ITGA8: variants seen among roughly 807,000 people sequenced by gnomAD.
ITGA8 encodes integrin subunit alpha 8.
Under a neutral mutation model 142.3 loss-of-function variants are expected in ITGA8, and 91 were observed. The ratio of observed to expected loss-of-function variants is 0.64; its 90% CI spans 0.54 to 0.76. The LOEUF is 0.76. Among genes scored for constraint, ITGA8 ranks in the 30% least tolerant of loss-of-function variants. ITGA8 has a pLI of 0.00. For missense variants in ITGA8, 1,406 were observed against 1,327.7 expected, an observed-to-expected ratio of 1.06 and a Z score of -0.92; for synonymous variants, 505 against 485.2, an observed-to-expected ratio of 1.04 and a Z score of -0.54.
chr10:15,637,431 A>G lies in ITGA8; in HGVS notation c.1399+6599T>C, dbSNP rs180915637. Among the ~76,000 whole-genome samples, 359 of 152,218 alleles carry G rather than the reference A, an allele frequency of 2.4e-3. 2 individuals carry two copies. The highest frequency in any genetic ancestry group is 8.2e-3 in the African/African-American group (342 of 41,530). On this transcript the variant is annotated intron_variant, in intron 13 of 29. Transcript: ENST00000378076. ...AAGTAAATCACTGTTCAATTGTTAC[A>G]TTAATAGTATTCAATGGGAATCTGA...
rs556364835 is a variant in ITGA8 at position 15,644,231 on chromosome 10, G to T, written c.1208-10C>A. On this transcript the variant is annotated splice_polypyrimidine_tract_variant and intron_variant, in intron 12 of 29. Transcript: ENST00000378076. ...ACTCCGATGGCAATGTCTAAAAACA[G>T]ACATAAAACATGTTTTATGTGTATA... The T allele has an allele frequency of 7.1e-5, 114 of 1,610,400 alleles. No homozygotes were observed. Among genetic ancestry groups the T allele is most frequent in the Non-Finnish European group, 9.0e-5 (106 of 1,177,690 alleles).
At chr10:15,709,146 A>G (rs1004481609) in intron 2 of ITGA8, among the ~76,000 whole-genome samples, 3 of 152,238 alleles carry the variant, frequency 2.0e-5, no homozygotes, top group African/African-American at 4.8e-5. Context: ...GTGTCATAGA[A>G]AGGGAGCAGA....
intron 8 of ITGA8, among the ~76,000 whole-genome samples, chr10:15,667,939 C>G (rs1307849871): frequency 3.9e-5 from 6 of 152,072 alleles, no homozygotes; most frequent in Non-Finnish European, 4.4e-5. Flanking sequence ...TTACTTCCAA[C>G]TATGTGGTCA....
At chr10:15,691,823 T>C (rs1834939640) in intron 2 of ITGA8, among the ~76,000 whole-genome samples, 1 of 152,212 alleles carries the variant, frequency 6.6e-6, no homozygotes, top group African/African-American at 2.4e-5. Context: ...ATTCTTAATA[T>C]ACACACACAT....
At chr10:15,592,360 T>A in intron 21 of ITGA8, 56 bp from the exon 22 acceptor site, 1 of 1,321,758 alleles carries the variant, frequency 7.6e-7, no homozygotes. Flanking sequence ...TAAAAATATT[T>A]TGTAAGTCAT....
Position 15,684,110 on chromosome 10 carries a change from A to G in ITGA8, c.462T>C (p.Tyr154=), listed in dbSNP as rs1834792970. 1.2e-6 allele frequency: 2 copies of G among 1,614,068 alleles called. No homozygotes were observed. Among genetic ancestry groups the G allele is most frequent in the Non-Finnish European group, 1.7e-6 (2 of 1,179,970 alleles). The change falls in exon 4 of 30, where the codon TAT becomes TAC. Residue 154 remains tyrosine, a synonymous_variant. Coordinates refer to ENST00000378076, the MANE Select transcript of ITGA8 (RefSeq NM_003638.3). ...KGKVVACAPL[Y]HWRTLKPTPE... ...GTGTCGGTTTAAGAGTTCTCCAGTG[A>G]TATAAAGGAGCACAGGCCTAGGAAA...
intron 23 of ITGA8, among the ~76,000 whole-genome samples, chr10:15,583,218 A>G (rs2131589509): frequency 6.6e-6 from 1 of 152,348 alleles, no homozygotes; most frequent in East Asian, 1.9e-4. Context: ...TTGCAGGGAC[A>G]TGGATGAAAC....
At chr10:15,654,556 T>C (rs575067531) in intron 11 of ITGA8, among the ~76,000 whole-genome samples, 171 of 152,296 alleles carry the variant, frequency 1.1e-3, no homozygotes, top group South Asian at 3.1e-3. Flanking sequence ...ACATAAAATA[T>C]CTAGCAAAAG....
In ITGA8 at chr10:15,652,810, GC is replaced by G. The variant is rs543624855; in HGVS notation, c.1001+2543del. On this transcript the variant is annotated intron_variant, in intron 11 of 29. Transcript: ENST00000378076. The stretch of plus-strand genomic sequence containing the variant: ...ATTGCTCATACAGAGTCATTCCACT[GC>G]CCTCCAAGCCACTGTCCTGCCTCCC... Among the ~76,000 whole-genome samples, 1,352 of 152,236 alleles carry G rather than the reference GC, an allele frequency of 8.9e-3. 8 individuals are homozygous for G. Among genetic ancestry groups the G allele is most frequent in the Non-Finnish European group, 0.013 (913 of 68,006 alleles).
intron 2 of ITGA8, among the ~76,000 whole-genome samples, chr10:15,703,664 C>G (rs1408168529): frequency 6.6e-6 from 1 of 152,136 alleles, no homozygotes; most frequent in African/African-American, 2.4e-5. Context: ...ACTGAGACAA[C>G]GTTGACCTCA....
intron 3 of ITGA8, among the ~76,000 whole-genome samples, chr10:15,686,673 T>C (rs1834837803): frequency 6.6e-6 from 1 of 152,216 alleles, no homozygotes; most frequent in Admixed American, 6.5e-5. Flanking sequence ...TTATACCATA[T>C]AGGAAAGAAT....
intron 9 of ITGA8, among the ~76,000 whole-genome samples, chr10:15,659,380 C>A (rs1480421956): frequency 6.6e-6 from 1 of 152,112 alleles, no homozygotes; most frequent in Non-Finnish European, 1.5e-5. Context: ...TGTCCAAATC[C>A]ATTTCTGTTC....
At chr10:15,598,749 A>G (rs1833050216) in intron 20 of ITGA8, among the ~76,000 whole-genome samples, 1 of 152,248 alleles carries the variant, frequency 6.6e-6, no homozygotes, top group Non-Finnish European at 1.5e-5. Flanking sequence ...ACATGGAAAT[A>G]TCTGTCCTAG....
intron 13 of ITGA8, among the ~76,000 whole-genome samples, chr10:15,637,060 C>T (rs1000808806): frequency 2.0e-5 from 3 of 152,122 alleles, no homozygotes; most frequent in Non-Finnish European, 2.9e-5. Flanking sequence ...CAGGAGAATC[C>T]CTTGAACCTG....
chr10:15,605,252 C>A (rs184028461), intron 19 of ITGA8, among the ~76,000 whole-genome samples: 49 of 152,236 alleles, frequency 3.2e-4, no homozygotes, highest in African/African-American at 1.1e-3. Flanking sequence ...TTTTGTGACA[C>A]CTTCTGCTTT....
chr10:15,538,263 A>T (rs1474429857), intron 27 of ITGA8, among the ~76,000 whole-genome samples: 1 of 152,206 alleles, frequency 6.6e-6, no homozygotes, highest in Non-Finnish European at 1.5e-5. Context: ...CTGTAATCCT[A>T]ACACTTTGGG....
chr10:15,583,528 T>C (rs542364412), intron 23 of ITGA8, among the ~76,000 whole-genome samples: 14 of 152,114 alleles, frequency 9.2e-5, no homozygotes, highest in African/African-American at 3.1e-4. Flanking sequence ...AAAAAGTATA[T>C]ATATAAAAAG....
chr10:15,699,059 A>T (rs1835110175), intron 2 of ITGA8, among the ~76,000 whole-genome samples: 1 of 152,184 alleles, frequency 6.6e-6, no homozygotes, highest in African/African-American at 2.4e-5. Context: ...TCCAGGAGGC[A>T]GATCACCTGA....
intron 19 of ITGA8, among the ~76,000 whole-genome samples, 168 bp downstream of exon 19, chr10:15,605,556 A>C (rs1833179435): frequency 6.6e-6 from 1 of 152,178 alleles, no homozygotes; most frequent in Admixed American, 6.6e-5. Context: ...CCAATGACAA[A>C]TAACTGACCC....
Sources: gnomAD v4.1 joint callset for allele counts (sites outside exome capture counted in the v4.1 genomes callset) on GRCh38, gnomAD v4.1.1 for gene constraint, MANE v1.5 for transcripts, NCBI Gene and HGNC (gene_info 2026-07-23, HGNC 2026-07-21) for gene names.